CEP63: variants seen among roughly 807,000 people sequenced by gnomAD.
CEP63 encodes centrosomal protein 63.
CEP63 carries 84 observed loss-of-function variants against 89.1 expected under a neutral mutation model. The ratio of observed to expected loss-of-function variants is 0.94; its 90% CI spans 0.79 to 1.13. The LOEUF is 1.13. Among genes scored for constraint, CEP63 ranks in the 50% most tolerant of loss-of-function variants. The pLI is 0.00. For missense variants in CEP63, 838 were observed against 813.3 expected (o/e 1.03, Z -0.37); for synonymous variants, 267 against 272.5 (o/e 0.98, Z 0.20).
chr3:134,654,178 T>C, the CEP63 span, among the ~76,000 whole-genome samples: 1 of 152,170 alleles, frequency 6.6e-6, no homozygotes, highest in Admixed American at 6.5e-5. Flanking sequence ...TTGTCAGTTG[T>C]CTGAATGGTT....
chr3:134,772,952 C>CAAGCCCA, the CEP63 span, among the ~76,000 whole-genome samples: 1 of 152,162 alleles, frequency 6.6e-6, no homozygotes, highest in Non-Finnish European at 1.5e-5. Context: ...CTGGTGTTAC[C>CAAGCCCA]AAGGCACTGT....
chr3:134,650,807 G>C, the CEP63 span: 1 of 1,557,396 alleles, frequency 6.4e-7, no homozygotes, highest in Non-Finnish European at 8.7e-7. Flanking sequence ...CCGGGGACCC[G>C]GGTCGGGCGC....
At chr3:134,525,374 C>T (rs1948433087) in intron 3 of CEP63, among the ~76,000 whole-genome samples, 1 of 152,058 alleles carries the variant, frequency 6.6e-6, no homozygotes, top group African/African-American at 2.4e-5. Flanking sequence ...TCTCCTTCAA[C>T]TTAGCTCTGA....
the CEP63 span, chr3:134,608,516 C>G: frequency 2.5e-6 from 4 of 1,575,854 alleles, no homozygotes; most frequent in Non-Finnish European, 3.4e-6. Flanking sequence ...CACACACAAG[C>G]TTTGTGCTAA....
At chr3:134,687,795 T>A in the CEP63 span, among the ~76,000 whole-genome samples, 1 of 152,142 alleles carries the variant, frequency 6.6e-6, no homozygotes, top group Admixed American at 6.5e-5. Flanking sequence ...GGAGGCAGCC[T>A]CCTCAGGGCA....
At chr3:134,547,938 A>G (rs1953901239) in intron 9 of CEP63, among the ~76,000 whole-genome samples, 2 of 152,268 alleles carry the variant, frequency 1.3e-5, no homozygotes, top group South Asian at 4.1e-4. Flanking sequence ...AGAAGACAGA[A>G]GCAATTAAAG....
chr3:134,696,492 C>T, the CEP63 span, among the ~76,000 whole-genome samples: 3 of 152,330 alleles, frequency 2.0e-5, no homozygotes, highest in South Asian at 6.2e-4. Flanking sequence ...CATCCTGAGT[C>T]TGATTCTGGG....
At chr3:134,754,011 G>A in the CEP63 span, among the ~76,000 whole-genome samples, 1 of 152,160 alleles carries the variant, frequency 6.6e-6, no homozygotes, top group East Asian at 1.9e-4. Flanking sequence ...CTCTTTTCAG[G>A]AAGTTCCTGT....
At chr3:134,580,533 G>T (rs771004467) in intron 10 of CEP63, among the ~76,000 whole-genome samples, 1 of 152,118 alleles carries the variant, frequency 6.6e-6, no homozygotes, top group Non-Finnish European at 1.5e-5. Flanking sequence ...AAGTAGAAGA[G>T]AATTCTTTTC....
chr3:134,538,314 G>A (rs1173158172), intron 6 of CEP63, among the ~76,000 whole-genome samples: 1 of 148,702 alleles, frequency 6.7e-6, no homozygotes. Flanking sequence ...AATATCAGCA[G>A]TCTGATAAAC....
At chr3:134,575,236 T>TCCC (rs1335812672), downstream of CEP63, among the ~76,000 whole-genome samples, 7 of 1,910 alleles carry the variant, frequency 3.7e-3, no homozygotes, top group Admixed American at 8.8e-3. Flanking sequence ...CCTCCCTCCC[T>TCCC]TCCTTCCTTC....
chr3:134,617,957 AG>A, the CEP63 span, among the ~76,000 whole-genome samples: 1 of 152,064 alleles, frequency 6.6e-6, no homozygotes, highest in Non-Finnish European at 1.5e-5. Context: ...GTGAGGATCC[AG>A]GTTCCTGGAG....
the CEP63 span, among the ~76,000 whole-genome samples, chr3:134,661,950 CCTT>C: frequency 1.3e-5 from 2 of 152,276 alleles, no homozygotes; most frequent in East Asian, 1.9e-4. Context: ...GTTCGAAAAA[CCTT>C]CTTTGATCCT....
chr3:134,607,097 A>G, the CEP63 span: 8 of 985,290 alleles, frequency 8.1e-6, no homozygotes, highest in Admixed American at 6.2e-5. Context: ...ACTCCACTCA[A>G]TGACATCAGT....
At chr3:134,760,702 T>C in the CEP63 span, among the ~76,000 whole-genome samples, 1 of 152,232 alleles carries the variant, frequency 6.6e-6, no homozygotes, top group African/African-American at 2.4e-5. Flanking sequence ...TCAGGTTACA[T>C]AGCTATAATA....
At chr3:134,681,315 G>T in the CEP63 span, among the ~76,000 whole-genome samples, 4 of 152,146 alleles carry the variant, frequency 2.6e-5, no homozygotes, top group Admixed American at 2.6e-4. Flanking sequence ...GTGAACACGT[G>T]GCCCACAGGA....
At chr3:134,749,531 G>A in the CEP63 span, among the ~76,000 whole-genome samples, 4 of 151,732 alleles carry the variant, frequency 2.6e-5, no homozygotes, top group African/African-American at 9.7e-5. Flanking sequence ...AACTTCAATG[G>A]TTTGGGAAAA....
chr3:134,604,745 T>A, the CEP63 span, among the ~76,000 whole-genome samples: 1 of 152,172 alleles, frequency 6.6e-6, no homozygotes, highest in Non-Finnish European at 1.5e-5. Context: ...AAGGGGCCTC[T>A]AGAAAAATTT....
At chr3:134,648,857 A>C in the CEP63 span, among the ~76,000 whole-genome samples, 1 of 152,178 alleles carries the variant, frequency 6.6e-6, no homozygotes. Flanking sequence ...TATATAACCA[A>C]GGAAGATCCA....
Sources: gnomAD v4.1 joint callset for allele counts (sites outside exome capture counted in the v4.1 genomes callset) on GRCh38, gnomAD v4.1.1 for gene constraint, MANE v1.5 for transcripts, NCBI Gene and HGNC (gene_info 2026-07-23, HGNC 2026-07-21) for gene names.